The following TICRR variants were observed in gnomAD, a reference collection of about 807,000 sequenced individuals.
The protein encoded by TICRR is treslin.
Under a neutral mutation model 178.1 loss-of-function variants are expected in TICRR, and 132 were observed. That is an observed-to-expected ratio of 0.74 (90% CI 0.64 to 0.86). The LOEUF (loss-of-function observed/expected upper bound fraction) is 0.86, where lower values mean the gene tolerates loss of function less well. Ranked by LOEUF, TICRR falls within the 40% of genes least tolerant of loss-of-function variation. The pLI is 0.00. For synonymous variants in TICRR, 991 were observed against 900.7 expected (o/e 1.10, Z -1.79); for missense variants, 2,587 against 2,334.3 (o/e 1.11, Z -2.23).
intron 9 of TICRR, 140 bp downstream of exon 9, chr15:89,600,825 G>T: frequency 2.0e-6 from 1 of 509,166 alleles, no homozygotes; most frequent in South Asian, 3.8e-5. Context: ...CAGGAGGATT[G>T]CTTGCAGCCA....
At position 89,624,557 on chromosome 15, in the gene TICRR, C is replaced by T; in HGVS notation, c.4247C>T (p.Ala1416Val). The T allele has an allele frequency of 1.2e-6, 2 of 1,613,700 alleles. No homozygotes were observed. Among genetic ancestry groups the T allele is most frequent in the Non-Finnish European group, 1.7e-6 (2 of 1,179,820 alleles). The change falls in exon 20 of 22, where the codon GCC (alanine) becomes GTC (valine). Residue 1416 changes from alanine to valine, a missense_variant. By Grantham distance (64) the Ala-to-Val change is moderately conservative. Coordinates refer to ENST00000268138, the MANE Select transcript of TICRR (RefSeq NM_152259.4). ...PGVGTADSPA[A>V]PTDSRDDQKG... is the part of the protein sequence containing the mutation. ...GTTGGCACAGCTGACAGCCCAGCTG[C>T]CCCCACAGACTCTAGAGATGACCAG...
At chr15:89,609,027 C>A in intron 15 of TICRR, 78 bp downstream of exon 15, 1 of 1,331,770 alleles carries the variant, frequency 7.5e-7, no homozygotes. Context: ...TCTTTCTTTC[C>A]TGATTTAGTA....
intron 7 of TICRR, among the ~76,000 whole-genome samples, chr15:89,598,388 G>A (rs978504112): frequency 1.3e-5 from 2 of 151,942 alleles, no homozygotes; most frequent in African/African-American, 4.8e-5. Context: ...TTGAGACGGA[G>A]TTTCACTCTT....
At position 89,624,916 on chromosome 15, in the gene TICRR, G is replaced by C; in HGVS notation, c.4606G>C (p.Ala1536Pro). Residue 1536 changes from alanine to proline, a missense_variant, in exon 20 of 22, where the codon GCT becomes CCT. Ala to Pro is a conservative substitution (Grantham distance 27). Coordinates refer to ENST00000268138, the MANE Select transcript of TICRR (RefSeq NM_152259.4). The part of the protein sequence containing the change: ...HCTTDGRQCQ[A>P]SAQLDNLPAS... ...TACCACAGATGGGAGACAGTGCCAG[G>C]CTTCGGCACAACTAGACAACCTGCC... is the stretch of plus-strand genomic sequence containing the variant. The C allele has an allele frequency of 6.2e-7, 1 of 1,614,064 alleles. No homozygotes were observed. The highest frequency in any genetic ancestry group is 8.5e-7 in the Non-Finnish European group (1 of 1,180,026).
At chr15:89,593,658 A>G (rs945373921) in intron 5 of TICRR, among the ~76,000 whole-genome samples, 12 of 152,214 alleles carry the variant, frequency 7.9e-5, no homozygotes, top group African/African-American at 2.9e-4. Context: ...GCCAGCCAAG[A>G]TCGCGCCACT....
chr15:89,594,159 T>G (rs1962957989), intron 5 of TICRR, among the ~76,000 whole-genome samples: 1 of 152,214 alleles, frequency 6.6e-6, no homozygotes, highest in African/African-American at 2.4e-5. Context: ...TCATGAAGAA[T>G]CCTATTAATA....
At chr15:89,577,758 G>A (rs1327450320) in intron 1 of TICRR, among the ~76,000 whole-genome samples, 1 of 151,720 alleles carries the variant, frequency 6.6e-6, no homozygotes, top group East Asian at 1.9e-4. Context: ...ATAAGCGGGC[G>A]CCACCAGGCC....
chr15:89,609,656 G>A (rs1443992710), intron 15 of TICRR, among the ~76,000 whole-genome samples: 4 of 151,962 alleles, frequency 2.6e-5, no homozygotes, highest in African/African-American at 4.8e-5. Context: ...TGTATTTTTA[G>A]TAGAGACGGG....
At chr15:89,606,537 T>G (rs2083280463) in intron 13 of TICRR, among the ~76,000 whole-genome samples, 1 of 152,216 alleles carries the variant, frequency 6.6e-6, no homozygotes, top group South Asian at 2.1e-4. Flanking sequence ...GGGTATGTAA[T>G]TTATTTAACT....
At chr15:89,585,617 G>A (rs1290896509) in intron 3 of TICRR, 91 bp from the exon 4 acceptor site, 2 of 871,938 alleles carry the variant, frequency 2.3e-6, no homozygotes, top group African/African-American at 1.7e-5. Context: ...ATAATAATTG[G>A]GAAAATGGTT....
chr15:89,620,126 CATT>C (rs1963400814), intron 18 of TICRR, among the ~76,000 whole-genome samples: 3 of 152,286 alleles, frequency 2.0e-5, no homozygotes, highest in East Asian at 1.9e-4. Context: ...ACCTACACAT[CATT>C]ATCTTAGGTG....
In TICRR at chr15:89,627,384, C is replaced by G; in HGVS notation, c.*298C>G. The G allele has an allele frequency of 2.8e-6, 1 of 360,058 alleles. No homozygotes were observed. Among genetic ancestry groups the G allele is most frequent in the Non-Finnish European group, 5.0e-6 (1 of 198,580 alleles). 22.3% of individuals were successfully genotyped at this position (360,058 alleles called of 1,614,324 possible). On this transcript the variant is annotated 3_prime_UTR_variant, in exon 22 of 22. Coordinates refer to ENST00000268138, the MANE Select transcript of TICRR (RefSeq NM_152259.4). Reference sequence around the variant, plus strand: ...CATTCCAGCCTCACCCCAACCATGACCTTGGCAAGTCAGGGGGCCACTCTG... The same window carrying G: ...CATTCCAGCCTCACCCCAACCATGAGCTTGGCAAGTCAGGGGGCCACTCTG...
intron 15 of TICRR, among the ~76,000 whole-genome samples, chr15:89,612,114 T>C (rs928866726): frequency 6.6e-6 from 1 of 152,220 alleles, no homozygotes; most frequent in Non-Finnish European, 1.5e-5. Flanking sequence ...TCAGATCCTG[T>C]CACCCCTCAG....
chr15:89,618,323 C>A, intron 17 of TICRR, 113 bp downstream of exon 17: 3 of 937,362 alleles, frequency 3.2e-6, no homozygotes, highest in South Asian at 1.3e-5. Flanking sequence ...ATTGTGATGG[C>A]TCTGAGTCCA....
At chr15:89,585,108 G>C (rs1170798950) in intron 3 of TICRR, among the ~76,000 whole-genome samples, 1 of 152,166 alleles carries the variant, frequency 6.6e-6, no homozygotes, top group Non-Finnish European at 1.5e-5. Context: ...ATACTCTCAG[G>C]AGGGGTCTCT....
At chr15:89,585,594 A>T in intron 3 of TICRR, 114 bp from the exon 4 acceptor site, 2 of 732,024 alleles carry the variant, frequency 2.7e-6, no homozygotes, top group South Asian at 1.8e-5. Context: ...TCTTTTTCAT[A>T]GTTTTCACGT....
At position 89,625,398 on chromosome 15, in the gene TICRR, C is replaced by T. The variant is rs201595810; in HGVS notation, c.5088C>T (p.Ala1696=). The T allele has an allele frequency of 1.5e-5, 25 of 1,613,868 alleles. No individual in the cohort carries two copies. The highest frequency in any genetic ancestry group is 8.0e-5 in the African/African-American group (6 of 75,022). The change falls in exon 20 of 22, where the codon GCC becomes GCT. Residue 1696 remains alanine (A), a synonymous_variant. Coordinates refer to ENST00000268138, the MANE Select transcript of TICRR (RefSeq NM_152259.4). ...GGAAGAGGGCGGTGGGCTGTGGCGCCGGCTCCTCTTCCGGGAGGGGCGAGG... is the reference window on the plus strand; with the variant it reads ...GGAAGAGGGCGGTGGGCTGTGGCGCTGGCTCCTCTTCCGGGAGGGGCGAGG... ...PRRKRAVGCG[A]GSSSGRGEVG... is the part of the protein sequence containing the mutation.
chr15:89,606,970 T>C, intron 14 of TICRR, 145 bp downstream of exon 14: 1 of 584,034 alleles, frequency 1.7e-6, no homozygotes, highest in South Asian at 3.0e-5. Flanking sequence ...ACCATGGACA[T>C]AGTCCCCTAG....
At position 89,599,421 on chromosome 15, in the gene TICRR, C is replaced by T; in HGVS notation, c.1998C>T (p.Asn666=). 2 of 1,613,564 alleles carry T rather than the reference C, an allele frequency of 1.2e-6. No homozygotes were observed. The highest frequency in any genetic ancestry group is 1.7e-6 in the Non-Finnish European group (2 of 1,179,812). ...GEIMLYACAR[N]MISTVKMFLK... The stretch of plus-strand genomic sequence containing the variant: ...TCATGTTGTATGCATGTGCTCGAAA[C>T]ATGATCTCAACCGTTAAAATGTTCC... Residue 666 remains asparagine (N), a synonymous_variant, in exon 8 of 22, where the codon AAC becomes AAT. Coordinates refer to ENST00000268138, the MANE Select transcript of TICRR (RefSeq NM_152259.4).
Sources: allele counts gnomAD v4.1 joint callset (sites outside exome capture counted in the v4.1 genomes callset), GRCh38; gene constraint gnomAD v4.1.1; transcripts MANE v1.5; gene names NCBI Gene and HGNC (gene_info 2026-07-23, HGNC 2026-07-21).